The following SHROOM4 variants were observed in gnomAD, a reference collection of about 807,000 sequenced individuals.
SHROOM4 encodes the protein protein Shroom4.
In SHROOM4, 17 loss-of-function variants were observed where a neutral mutation model predicts 80.3. The ratio of observed to expected loss-of-function variants is 0.21; its 90% confidence interval spans 0.14 to 0.32. SHROOM4 has a LOEUF of 0.32. Ranked by LOEUF, SHROOM4 falls within the 10% of genes least tolerant of loss-of-function variation. SHROOM4 has a pLI of 1.00. For missense variants in SHROOM4, 993 were observed against 1,140.3 expected (o/e 0.87, Z 1.86); for synonymous variants, 400 against 437.5 (o/e 0.91, Z 1.07).
At chrX:50,586,400 T>G (rs1475299879), downstream of SHROOM4, among the ~76,000 whole-genome samples, 1 of 111,955 alleles carries the variant, frequency 8.9e-6, no homozygotes, top group Non-Finnish European at 1.9e-5. Flanking sequence ...GTTCCATTAA[T>G]TATCCTTTTC....
At chrX:50,601,720 A>T (rs1433044585) in intron 7 of SHROOM4, among the ~76,000 whole-genome samples, 1 of 112,202 alleles carries the variant, frequency 8.9e-6, no homozygotes, top group East Asian at 2.8e-4. Context: ...CCACTTAACT[A>T]TTTTGTACTT....
chrX:50,798,082 A>T (rs934034219), intron 1 of SHROOM4, among the ~76,000 whole-genome samples: 1 of 111,174 alleles, frequency 9.0e-6, no homozygotes, highest in Admixed American at 9.6e-5. Flanking sequence ...ACTTAAAAAA[A>T]ATTTATTGAC....
intron 1 of SHROOM4, among the ~76,000 whole-genome samples, chrX:50,786,212 G>A (rs1935737068): frequency 8.9e-6 from 1 of 111,892 alleles, no homozygotes; most frequent in East Asian, 2.8e-4. Context: ...CATGTCCAGT[G>A]CCCCAACTTT....
At chrX:50,696,037 G>C in intron 1 of SHROOM4, 100 bp from the exon 2 acceptor site, 17 of 976,890 alleles carry the variant, frequency 1.7e-5, no homozygotes, top group Non-Finnish European at 2.4e-5. Flanking sequence ...GTAGTACTGG[G>C]GAATGGCTCC....
intron 2 of SHROOM4, among the ~76,000 whole-genome samples, chrX:50,660,521 TCTCTCTCC>T (rs1932458821): frequency 1.2e-5 from 1 of 82,414 alleles, no homozygotes; most frequent in South Asian, 8.2e-4. Context: ...TCTCTCTCTC[TCTCTCTCC>T]CTCCCTCCCT....
rs185263654 is a variant in SHROOM4 at position 50,804,191 on chromosome X, C to T, written c.117+9711G>A. On this transcript the variant is annotated intron_variant, in intron 1 of 8. Coordinates refer to ENST00000376020, the MANE Select transcript of SHROOM4 (RefSeq NM_020717.5). Reference sequence around the variant, plus strand: ...AATAAATGATAAAATGAATCTCTCTCCCTACTGGACAACAGCGCAGGTTGT... The same window carrying T: ...AATAAATGATAAAATGAATCTCTCTTCCTACTGGACAACAGCGCAGGTTGT... 8.1e-5 allele frequency among the ~76,000 whole-genome samples: 9 copies of T among 111,673 alleles called. No homozygotes were observed. The East Asian group carries it at 2.2e-3, about 28-fold the overall frequency.
chrX:50,656,372 GT>G (rs1932305702), intron 2 of SHROOM4, among the ~76,000 whole-genome samples: 1 of 111,954 alleles, frequency 8.9e-6, no homozygotes, highest in Admixed American at 9.5e-5. Context: ...CCTTGTAGTA[GT>G]TTTAGAGTTT....
chrX:50,660,555 C>T (rs868930314), intron 2 of SHROOM4, among the ~76,000 whole-genome samples: 5 of 35,151 alleles, frequency 1.4e-4, no homozygotes, highest in Non-Finnish European at 2.0e-4. Flanking sequence ...CCTCTCTCTC[C>T]CTCCCTCCCT....
chrX:50,743,862 C>T (rs1211654644), intron 1 of SHROOM4, among the ~76,000 whole-genome samples: 13 of 112,049 alleles, frequency 1.2e-4, no homozygotes, highest in African/African-American at 4.2e-4. Context: ...ACATTTTTGA[C>T]GATTAGTTTT....
chrX:50,730,920 A>G (rs781992229), intron 1 of SHROOM4, among the ~76,000 whole-genome samples: 1 of 111,868 alleles, frequency 8.9e-6, no homozygotes, highest in South Asian at 3.8e-4. Context: ...ACGATACCCA[A>G]TGGTAACTCA....
At chrX:50,804,343 C>T (rs1557272875) in intron 1 of SHROOM4, among the ~76,000 whole-genome samples, 1 of 111,571 alleles carries the variant, frequency 9.0e-6, no homozygotes, top group Admixed American at 9.5e-5. Context: ...ACCCAGTCCC[C>T]TTACCTTGAT....
At chrX:50,654,368 C>T (rs1393138234) in intron 2 of SHROOM4, among the ~76,000 whole-genome samples, 1 of 111,601 alleles carries the variant, frequency 9.0e-6, no homozygotes, top group Non-Finnish European at 1.9e-5. Context: ...ATTCACAAAC[C>T]TCAAGTTCAT....
At chrX:50,752,021 T>G (rs1423402117) in intron 1 of SHROOM4, among the ~76,000 whole-genome samples, 1 of 112,283 alleles carries the variant, frequency 8.9e-6, no homozygotes, top group Non-Finnish European at 1.9e-5. Flanking sequence ...CTGTACCATA[T>G]CTGCATCTGA....
At chrX:50,660,581 T>C (rs1602414052) in intron 2 of SHROOM4, among the ~76,000 whole-genome samples, 1 of 55,483 alleles carries the variant, frequency 1.8e-5, no homozygotes, top group Non-Finnish European at 3.1e-5. Context: ...CCTCCCTTCC[T>C]CCCTCCCTCC....
chrX:50,668,141 G>GA (rs782296872), intron 2 of SHROOM4, among the ~76,000 whole-genome samples: 1 of 112,107 alleles, frequency 8.9e-6, no homozygotes, highest in South Asian at 3.8e-4. Context: ...TCCATGCCAG[G>GA]TGATAACAAG....
intron 5 of SHROOM4, among the ~76,000 whole-genome samples, chrX:50,620,123 G>A (rs1930514056): frequency 9.0e-6 from 1 of 111,239 alleles, no homozygotes. Flanking sequence ...ACCAACGTGG[G>A]CCACCTCTTA....
chrX:50,805,084 A>C (rs140463857), intron 1 of SHROOM4, among the ~76,000 whole-genome samples: 2 of 111,474 alleles, frequency 1.8e-5, no homozygotes, highest in African/African-American at 3.3e-5. Flanking sequence ...GGTGGCTTTT[A>C]CTTATATCAA....
intron 7 of SHROOM4, among the ~76,000 whole-genome samples, chrX:50,602,284 G>GT (rs1271218809): frequency 8.2e-5 from 9 of 110,358 alleles, no homozygotes; most frequent in Non-Finnish European, 1.5e-4. Context: ...TAGAGACGGG[G>GT]TTTCACCATG....
At chrX:50,576,617 G>A in the SHROOM4 span, among the ~76,000 whole-genome samples, 3 of 111,566 alleles carry the variant, frequency 2.7e-5, no homozygotes, top group Non-Finnish European at 5.7e-5. Context: ...GTGTGTGTGT[G>A]TGTTTGTGTG....
Sources: allele counts gnomAD v4.1 joint callset (sites outside exome capture counted in the v4.1 genomes callset), GRCh38; gene constraint gnomAD v4.1.1; transcripts MANE v1.5; gene names NCBI Gene and HGNC (gene_info 2026-07-23, HGNC 2026-07-21).